Variants in MBD5 observed in about 807,000 individuals in gnomAD.
MBD5 encodes the protein methyl-CpG-binding domain protein 5.
In MBD5, 13 loss-of-function variants were observed where a neutral mutation model predicts 117.3. The observed-to-expected ratio is 0.11, with a 90% confidence interval of 0.07 to 0.18. The LOEUF (loss-of-function observed/expected upper bound fraction) is 0.18. Ranked by LOEUF, MBD5 falls within the 10% of genes least tolerant of loss-of-function variation. The pLI is 1.00. For missense variants in MBD5, 1,879 were observed against 2,093.8 expected (o/e 0.90, Z 2.00); for synonymous variants, 727 against 766.4 (o/e 0.95, Z 0.85).
chr2:148,470,327 T>A lies in MBD5; in HGVS notation c.2384T>A (p.Met795Lys), dbSNP rs1446479503. The A allele has an allele frequency of 3.7e-6, 6 of 1,613,974 alleles. No homozygotes were observed. Among genetic ancestry groups the A allele is most frequent in the Admixed American group, 3.3e-5 (2 of 60,002 alleles). The change falls in exon 8 of 14, where the codon ATG becomes AAG. Residue 795 changes from methionine to lysine, a missense_variant. Around this residue, in one of 4 missense-constraint regions of MBD5, gnomAD observed 1,666 missense variants for 1,792.2 expected, o/e 0.93. Coordinates refer to ENST00000642680, the MANE Select transcript of MBD5 (RefSeq NM_001378120.1). ...ATTCAGGCTAGCGGGAACTGTGGGA[T>A]GCTCAGTCAGTCGGGCATGGCTTTA... Reference protein sequence around the residue: ...NQIQASGNCGMLSQSGMALGN... With the variant: ...NQIQASGNCGKLSQSGMALGN...
intron 2 of MBD5, among the ~76,000 whole-genome samples, chr2:148,220,374 G>A (rs1448223865): frequency 6.6e-6 from 1 of 152,044 alleles, no homozygotes; most frequent in Non-Finnish European, 1.5e-5. Flanking sequence ...TATCTGTTAG[G>A]CACTGGACTA....
chr2:148,376,930 GAGTT>G (rs1347620459), intron 4 of MBD5, among the ~76,000 whole-genome samples: 1 of 143,316 alleles, frequency 7.0e-6, no homozygotes, highest in East Asian at 2.0e-4. Context: ...TATAAATAGA[GAGTT>G]AGCAAGTACT....
intron 4 of MBD5, among the ~76,000 whole-genome samples, chr2:148,446,265 G>C (rs1706516384): frequency 6.6e-6 from 1 of 151,942 alleles, no homozygotes; most frequent in Non-Finnish European, 1.5e-5. Flanking sequence ...TATGGTTTTA[G>C]GTCTAACATG....
chr2:148,102,664 TACAC>T (rs113654978), intron 1 of MBD5, among the ~76,000 whole-genome samples: 116 of 143,784 alleles, frequency 8.1e-4, no homozygotes, highest in South Asian at 2.5e-3. Context: ...TTGCTTATTT[TACAC>T]ACACACACAC....
At chr2:148,368,466 G>A (rs1703764798) in intron 4 of MBD5, among the ~76,000 whole-genome samples, 1 of 151,498 alleles carries the variant, frequency 6.6e-6, no homozygotes, top group African/African-American at 2.4e-5. Context: ...CCAACTTAAA[G>A]TATTAAAAAA....
At chr2:148,263,700 C>T (rs1000950454) in intron 3 of MBD5, among the ~76,000 whole-genome samples, 5 of 152,034 alleles carry the variant, frequency 3.3e-5, no homozygotes, top group Non-Finnish European at 7.4e-5. Context: ...CCCTGCTGCA[C>T]AATTAAGGGA....
intron 1 of MBD5, among the ~76,000 whole-genome samples, chr2:148,063,697 G>A (rs867360628): frequency 6.6e-6 from 1 of 151,472 alleles, no homozygotes; most frequent in South Asian, 2.1e-4. Context: ...CTCTCTATTG[G>A]TGGCCTTTCC....
At chr2:148,496,211 A>G (rs1681697987) in intron 11 of MBD5, among the ~76,000 whole-genome samples, 1 of 152,230 alleles carries the variant, frequency 6.6e-6, no homozygotes, top group Admixed American at 6.5e-5. Context: ...GAGGCAATCA[A>G]TGCCCTGTCA....
At chr2:148,481,282 CTA>C (rs958342578) in intron 8 of MBD5, among the ~76,000 whole-genome samples, 47 of 152,102 alleles carry the variant, frequency 3.1e-4, no homozygotes, top group African/African-American at 1.1e-3. Context: ...AATACGAAGT[CTA>C]TTTATCAGAA....
intron 1 of MBD5, among the ~76,000 whole-genome samples, chr2:148,097,359 G>T (rs1696096288): frequency 1.3e-5 from 2 of 152,168 alleles, no homozygotes; most frequent in Admixed American, 6.5e-5. Flanking sequence ...TCAAGCACTT[G>T]CTAGATCCTT....
chr2:148,083,378 T>A (rs908876431), intron 1 of MBD5, among the ~76,000 whole-genome samples: 1 of 152,166 alleles, frequency 6.6e-6, no homozygotes, highest in South Asian at 2.1e-4. Flanking sequence ...GCGTTATTTA[T>A]TATTTTAAAT....
intron 4 of MBD5, among the ~76,000 whole-genome samples, chr2:148,428,206 C>T (rs1000463071): frequency 3.3e-5 from 5 of 152,092 alleles, no homozygotes; most frequent in African/African-American, 1.2e-4. Context: ...TAATAACAGA[C>T]AAACAGAGAG....
At chr2:148,329,253 T>C (rs1346545773) in intron 3 of MBD5, among the ~76,000 whole-genome samples, 1 of 152,250 alleles carries the variant, frequency 6.6e-6, no homozygotes, top group Admixed American at 6.5e-5. Context: ...AGCTGAAGTT[T>C]ACTTCTCCTT....
intron 1 of MBD5, among the ~76,000 whole-genome samples, chr2:148,090,613 T>C (rs561888926): frequency 6.6e-5 from 10 of 152,156 alleles, no homozygotes; most frequent in East Asian, 5.8e-4. Flanking sequence ...TTTCAATAGA[T>C]ACAGAAAAAA....
At position 148,424,210 on chromosome 2, in the gene MBD5, A is replaced by C. The variant is rs868501329; in HGVS notation, c.-556-33993A>C. Among the ~76,000 whole-genome samples the C allele has an allele frequency of 3.6e-5, 5 of 138,940 alleles. No individual in the cohort carries two copies. The East Asian group carries it at 6.2e-4, about 17-fold the overall frequency. 91.2% of individuals were successfully genotyped at this position (138,940 alleles called of 152,430 possible). A position where few individuals can be genotyped will look rare whatever the true frequency, so the allele number is the denominator to read the frequency against. ...AAAAAAAAAAAAAAAAAAAAAAAAA[A>C]AAAAAACAGCAGAGGTCGTAATCCT... On this transcript the variant is annotated intron_variant, in intron 4 of 13. Transcript: ENST00000642680.
intron 3 of MBD5, among the ~76,000 whole-genome samples, chr2:148,327,329 C>T (rs1290578703): frequency 6.6e-6 from 1 of 151,960 alleles, no homozygotes; most frequent in Non-Finnish European, 1.5e-5. Context: ...AGTTGCTCTT[C>T]TCGAGGAGTA....
chr2:148,206,400 A>G (rs1183670190), intron 2 of MBD5, among the ~76,000 whole-genome samples: 2 of 152,220 alleles, frequency 1.3e-5, no homozygotes, highest in African/African-American at 4.8e-5. Flanking sequence ...ACATGTATAC[A>G]GTGAATAATG....
chr2:148,316,582 G>A (rs1461947634), intron 3 of MBD5, among the ~76,000 whole-genome samples: 2 of 151,988 alleles, frequency 1.3e-5, no homozygotes, highest in Non-Finnish European at 2.9e-5. Context: ...TTAAAGTGTA[G>A]TGATACTTTA....
At chr2:148,375,699 TC>T (rs752629573) in intron 4 of MBD5, among the ~76,000 whole-genome samples, 3 of 152,158 alleles carry the variant, frequency 2.0e-5, no homozygotes, top group Non-Finnish European at 2.9e-5. Flanking sequence ...TTGGGGGCTG[TC>T]ACAGGTCATA....
Sources: allele counts gnomAD v4.1 joint callset (sites outside exome capture counted in the v4.1 genomes callset), GRCh38; gene constraint gnomAD v4.1.1; regional missense constraint gnomAD v4.1.1; transcripts MANE v1.5; gene names NCBI Gene and HGNC (gene_info 2026-07-23, HGNC 2026-07-21).